The following DPYD variants were observed in gnomAD, a reference collection of about 807,000 sequenced individuals.
DPYD encodes the protein dihydropyrimidine dehydrogenase [NADP(+)].
A neutral mutation model predicts 116.2 loss-of-function variants in DPYD; 109 were observed. The observed-to-expected ratio is 0.94, with a 90% CI of 0.80 to 1.10. The LOEUF (loss-of-function observed/expected upper bound fraction) is 1.10. Ranked by LOEUF, DPYD falls within the 50% of genes least tolerant of loss-of-function variation. The pLI is 0.00. For synonymous variants in DPYD, 440 were observed against 432.0 expected, an observed-to-expected ratio of 1.02 and a Z score of -0.23; for missense variants, 1,302 against 1,254.5, an observed-to-expected ratio of 1.04 and a Z score of -0.57.
intron 5 of DPYD, among the ~76,000 whole-genome samples, chr1:97,706,927 T>C (rs1661996957): frequency 1.3e-5 from 2 of 152,082 alleles, no homozygotes; most frequent in African/African-American, 4.8e-5. Flanking sequence ...CAAACTGTCT[T>C]CCAAATTGGC....
At chr1:97,432,802 T>C (rs1675256322) in intron 14 of DPYD, among the ~76,000 whole-genome samples, 1 of 152,024 alleles carries the variant, frequency 6.6e-6, no homozygotes, top group Non-Finnish European at 1.5e-5. Context: ...TTAAGCAGAG[T>C]CTGGGTTGTG....
At chr1:97,568,704 C>T (rs768499746) in intron 11 of DPYD, among the ~76,000 whole-genome samples, 6 of 151,894 alleles carry the variant, frequency 4.0e-5, no homozygotes, top group African/African-American at 9.7e-5. Context: ...TTTACATTTT[C>T]GAAGAAAAAT....
chr1:97,090,204 G>A (rs890473435), intron 21 of DPYD, among the ~76,000 whole-genome samples: 3 of 152,070 alleles, frequency 2.0e-5, no homozygotes, highest in African/African-American at 7.2e-5. Flanking sequence ...TTTGAATACT[G>A]TGCTTTGCAA....
At chr1:97,648,545 T>G (rs878891305) in intron 8 of DPYD, among the ~76,000 whole-genome samples, 1 of 150,904 alleles carries the variant, frequency 6.6e-6, no homozygotes, top group Non-Finnish European at 1.5e-5. Flanking sequence ...AACACTTTAT[T>G]AAAAAAAAAG....
At chr1:97,623,327 T>A (rs919000242) in intron 8 of DPYD, among the ~76,000 whole-genome samples, 3 of 152,056 alleles carry the variant, frequency 2.0e-5, no homozygotes, top group African/African-American at 7.2e-5. Context: ...AGAAAACACA[T>A]AATCTTACTC....
At chr1:97,493,008 C>T (rs944870092) in intron 13 of DPYD, among the ~76,000 whole-genome samples, 2 of 152,124 alleles carry the variant, frequency 1.3e-5, no homozygotes, top group African/African-American at 4.8e-5. Flanking sequence ...ATGAATGAAA[C>T]GTTGGATTGG....
chr1:97,629,841 G>T (rs1003236210), intron 8 of DPYD, among the ~76,000 whole-genome samples: 3 of 151,852 alleles, frequency 2.0e-5, no homozygotes, highest in African/African-American at 4.8e-5. Flanking sequence ...ATGTAATGGG[G>T]GTAATGAAAT....
At chr1:97,384,246 GAAAAA>G (rs11286049) in intron 14 of DPYD, among the ~76,000 whole-genome samples, 1 of 138,538 alleles carries the variant, frequency 7.2e-6, no homozygotes, top group Non-Finnish European at 1.5e-5. Flanking sequence ...TTTACTTTGA[GAAAAA>G]AAAAAAAAAA....
At chr1:97,277,739 G>A (rs644023) in intron 18 of DPYD, among the ~76,000 whole-genome samples, 113,728 of 152,038 alleles carry the variant, frequency 0.75, 43,313 homozygotes, top group African/African-American at 0.89. Flanking sequence ...AAAAATAATT[G>A]CCCTGTCCCC....
intron 18 of DPYD, among the ~76,000 whole-genome samples, chr1:97,242,623 G>T (rs564705588): frequency 6.6e-6 from 1 of 151,584 alleles, no homozygotes; most frequent in East Asian, 1.9e-4. Flanking sequence ...TGATAAAATG[G>T]TGTTATAATT....
At chr1:97,442,653 G>A (rs190011872) in intron 14 of DPYD, among the ~76,000 whole-genome samples, 4 of 152,040 alleles carry the variant, frequency 2.6e-5, no homozygotes, top group Non-Finnish European at 5.9e-5. Context: ...ATTAAACAAG[G>A]AGTCCAAAAA....
At chr1:97,266,171 C>G (rs1664213839) in intron 18 of DPYD, among the ~76,000 whole-genome samples, 1 of 152,028 alleles carries the variant, frequency 6.6e-6, no homozygotes, top group African/African-American at 2.4e-5. Flanking sequence ...TCAGGGATAT[C>G]CTGTGTTATA....
At chr1:97,713,259 C>T (rs996522566) in intron 5 of DPYD, among the ~76,000 whole-genome samples, 17 of 152,062 alleles carry the variant, frequency 1.1e-4, no homozygotes, top group African/African-American at 1.9e-4. Context: ...CTTAAACCAA[C>T]GAATCCTTTA....
In DPYD at chr1:97,775,005, T is replaced by A. The variant is rs756132408; in HGVS notation, c.234-34526A>T. 81 of 305,412 alleles carry A rather than the reference T, an allele frequency of 2.7e-4. 1 individual carries two copies. Among genetic ancestry groups the A allele is most frequent in the Non-Finnish European group, 5.0e-4 (72 of 143,434 alleles). The allele number at this position is 305,412 out of a possible 1,614,324, so 18.9% of individuals were successfully genotyped here. A position where few individuals can be genotyped will look rare whatever the true frequency, so the allele number is the denominator to read the frequency against. The stretch of plus-strand genomic sequence containing the variant: ...GGACAAAAAAAAGAAAGAAGCTCTA[T>A]GAATGCCAGGTTTGTGACAGTGTCT... On this transcript the variant is annotated intron_variant, in intron 3 of 22. Transcript: ENST00000370192.
chr1:97,498,907 T>G (rs1679420984), intron 13 of DPYD, among the ~76,000 whole-genome samples: 1 of 151,520 alleles, frequency 6.6e-6, no homozygotes, highest in African/African-American at 2.4e-5. Context: ...TTTGTAAACA[T>G]AAAGAAATAT....
intron 3 of DPYD, among the ~76,000 whole-genome samples, chr1:97,793,830 C>G (rs1667436175): frequency 6.6e-6 from 1 of 152,076 alleles, no homozygotes. Flanking sequence ...AGATATGACA[C>G]CAAAATACAC....
chr1:97,377,887 C>T (rs555384086), intron 15 of DPYD, among the ~76,000 whole-genome samples: 12 of 152,118 alleles, frequency 7.9e-5, no homozygotes, highest in Non-Finnish European at 1.8e-4. Context: ...TGGTATATCA[C>T]GGTCCAAGTG....
At chr1:97,749,568 A>T (rs758895711) in intron 3 of DPYD, among the ~76,000 whole-genome samples, 1 of 152,168 alleles carries the variant, frequency 6.6e-6, no homozygotes, top group Non-Finnish European at 1.5e-5. Context: ...CTTATATACC[A>T]CATTAATTTA....
intron 15 of DPYD, among the ~76,000 whole-genome samples, chr1:97,380,526 G>C (rs1430455952): frequency 6.6e-6 from 1 of 152,172 alleles, no homozygotes; most frequent in African/African-American, 2.4e-5. Flanking sequence ...AGATGAAGTA[G>C]TAAAAAGCTG....
Sources: gnomAD v4.1 joint callset for allele counts (sites outside exome capture counted in the v4.1 genomes callset) on GRCh38, gnomAD v4.1.1 for gene constraint, MANE v1.5 for transcripts, NCBI Gene and HGNC (gene_info 2026-07-23, HGNC 2026-07-21) for gene names.